Variants in MICAL2 observed in about 807,000 individuals in gnomAD.
MICAL2 encodes [F-actin]-monooxygenase MICAL2.
A neutral mutation model predicts 127.3 loss-of-function variants in MICAL2; 77 were observed. The observed-to-expected ratio is 0.60, with a 90% CI of 0.50 to 0.73. MICAL2 has a LOEUF of 0.73. Ranked by LOEUF, MICAL2 falls within the 30% of genes least tolerant of loss-of-function variation. The probability of loss-of-function intolerance (pLI) is 0.00; values close to 1 mark genes in which losing one functional copy is unlikely to be tolerated. For synonymous variants in MICAL2, 570 were observed against 551.1 expected (o/e 1.03, Z -0.48); for missense variants, 1,351 against 1,434.4 (o/e 0.94, Z 0.94).
At chr11:12,125,103 C>G (rs955919653) in intron 1 of MICAL2, among the ~76,000 whole-genome samples, 2 of 152,252 alleles carry the variant, frequency 1.3e-5, no homozygotes, top group Non-Finnish European at 2.9e-5. Context: ...CTCAGCCCCA[C>G]CCGCCAGAGC....
chr11:12,239,299 G>C lies in MICAL2; in HGVS notation c.2065-137G>C, dbSNP rs1257247765. On this transcript the variant is annotated intron_variant, in intron 16 of 27. Coordinates refer to ENST00000683283, the MANE Select transcript of MICAL2 (RefSeq NM_001282663.2). Reference sequence around the variant, plus strand: ...TTGCCTCTGCGGGGGTGGCCCTGCTGCCTCTGCCTCCCTTCCTCAGACCAT... The same window carrying C: ...TTGCCTCTGCGGGGGTGGCCCTGCTCCCTCTGCCTCCCTTCCTCAGACCAT... The C allele has an allele frequency of 9.2e-6, 11 of 1,191,484 alleles. No individual in the cohort carries two copies. In the Admixed American group the frequency reaches 1.9e-4, roughly 21 times the overall value. The allele number at this position is 1,191,484 out of a possible 1,614,324, so 73.8% of individuals were successfully genotyped here. A position where few individuals can be genotyped will look rare whatever the true frequency, so the allele number is the denominator to read the frequency against.
chr11:12,190,489 T>TGGTAAA (rs1299344185), intron 3 of MICAL2, among the ~76,000 whole-genome samples: 11 of 152,222 alleles, frequency 7.2e-5, no homozygotes, highest in African/African-American at 2.7e-4. Flanking sequence ...CTTATTTCAT[T>TGGTAAA]GGTAAAGGTA....
chr11:12,294,734 G>T, downstream of MICAL2: 1 of 1,613,856 alleles, frequency 6.2e-7, no homozygotes, highest in South Asian at 1.1e-5. Flanking sequence ...GCTGCCTGAA[G>T]ATAGTGCGCA....
At chr11:12,136,857 A>G (rs1312209095) in intron 1 of MICAL2, among the ~76,000 whole-genome samples, 2 of 152,132 alleles carry the variant, frequency 1.3e-5, no homozygotes, top group Non-Finnish European at 2.9e-5. Context: ...CCTAAGCTGA[A>G]CCTTAAAGAG....
chr11:12,188,780 ACTTTATAGGATC>A (rs1304492418), intron 3 of MICAL2, among the ~76,000 whole-genome samples: 1 of 152,110 alleles, frequency 6.6e-6, no homozygotes, highest in Non-Finnish European at 1.5e-5. Context: ...AATGATACCT[ACTTTATAGGATC>A]CTTGTTAGGA....
upstream of MICAL2, among the ~76,000 whole-genome samples, chr11:12,273,975 GCC>G (rs1423826033): frequency 6.6e-6 from 1 of 152,132 alleles, no homozygotes; most frequent in East Asian, 1.9e-4. Context: ...GAAGAGTGTA[GCC>G]AACCCTTCCA....
downstream of MICAL2, chr11:12,294,185 AC>A (rs770987317): frequency 1.2e-6 from 2 of 1,613,814 alleles, no homozygotes; most frequent in Non-Finnish European, 1.7e-6. Context: ...GAAGATGGGG[AC>A]CCCTGCGGAA....
intron 8 of MICAL2, among the ~76,000 whole-genome samples, chr11:12,219,342 A>T (rs1856546665): frequency 6.6e-6 from 1 of 152,102 alleles, no homozygotes; most frequent in African/African-American, 2.4e-5. Context: ...TCCAGGATGG[A>T]TATTCCAGTC....
intron 21 of MICAL2, among the ~76,000 whole-genome samples, chr11:12,245,902 C>A (rs1043121180): frequency 4.6e-5 from 7 of 152,232 alleles, no homozygotes; most frequent in Admixed American, 3.9e-4. Flanking sequence ...GGAGAAGGCA[C>A]CTAGGCACGG....
Position 12,226,196 on chromosome 11 carries a change from G to A in MICAL2, c.1714G>A (p.Asp572Asn), listed in dbSNP as rs756455254. 5.6e-6 allele frequency: 9 copies of A among 1,614,250 alleles called. No homozygotes were observed. The Admixed American group carries it at 6.7e-5, about 12-fold the overall frequency. The change falls in exon 14 of 28, where the codon GAT becomes AAT. Residue 572 changes from aspartate to asparagine, a missense_variant. Around this residue, in one of 2 missense-constraint regions of MICAL2, gnomAD observed 752 missense variants for 719.4 expected, o/e 1.05. Coordinates refer to ENST00000683283, the MANE Select transcript of MICAL2 (RefSeq NM_001282663.2). ...LINFDSLNED[D>N]AVENNQLAFD... is the part of the protein sequence containing the mutation. ...CAACTTTGACTCTTTGAATGAAGAT[G>A]ATGCTGTGGAGAACAACCAGCTCGC... is the stretch of plus-strand genomic sequence containing the variant.
chr11:12,231,948 C>T (rs570559121), intron 15 of MICAL2, among the ~76,000 whole-genome samples: 2 of 152,294 alleles, frequency 1.3e-5, no homozygotes, highest in South Asian at 4.1e-4. Context: ...CAGACAAACA[C>T]AGATTTACGT....
intron 3 of MICAL2, among the ~76,000 whole-genome samples, chr11:12,201,713 G>C (rs1224605796): frequency 6.6e-6 from 1 of 152,226 alleles, no homozygotes; most frequent in Non-Finnish European, 1.5e-5. Flanking sequence ...TCAGCATGCA[G>C]TGTCCATTGA....
At chr11:12,160,993 G>A (rs2133796534) in intron 2 of MICAL2, among the ~76,000 whole-genome samples, 1 of 152,308 alleles carries the variant, frequency 6.6e-6, no homozygotes, top group East Asian at 1.9e-4. Context: ...CTGCCGTGAG[G>A]CCTGCGCTCT....
chr11:12,213,066 C>T (rs1250775526), intron 6 of MICAL2, among the ~76,000 whole-genome samples, 189 bp from the exon 7 acceptor site: 1 of 144,386 alleles, frequency 6.9e-6, no homozygotes, highest in African/African-American at 2.5e-5. Flanking sequence ...TAGAAACGGA[C>T]AGTCTCACTG....
chr11:12,298,710 T>C (rs1205214854), intron 29 of MICAL2, among the ~76,000 whole-genome samples: 1 of 152,194 alleles, frequency 6.6e-6, no homozygotes, highest in Non-Finnish European at 1.5e-5. Context: ...CAGATGGATG[T>C]TGAATTTCAT....
rs774412839 is a variant in MICAL2, at chr11:12,242,379, G to A, written c.2503G>A (p.Ala835Thr). ...GCCTTCTACCCGCCCGAGGGCGCAG[G>A]CTCTTTCCGGGGTGCTGTGGCGGCT... is the stretch of plus-strand genomic sequence containing the variant. ...TLPSTRPRAQ[A>T]LSGVLWRLQQ... is the part of the protein sequence containing the mutation. Residue 835 changes from alanine (A) to threonine (T), a missense_variant, in exon 19 of 28, where the codon GCT (alanine) becomes ACT (threonine). Physicochemically the swap from Ala to Thr is moderately conservative, Grantham distance 58. Transcript: ENST00000683283. 1.9e-6 allele frequency: 3 copies of A among 1,613,760 alleles called. No homozygotes were observed. The highest frequency in any genetic ancestry group is 1.7e-6 in the Non-Finnish European group (2 of 1,179,760).
At chr11:12,145,326 C>T (rs927550680) in intron 2 of MICAL2, among the ~76,000 whole-genome samples, 7 of 152,122 alleles carry the variant, frequency 4.6e-5, no homozygotes, top group Non-Finnish European at 7.4e-5. Flanking sequence ...CGAAGTTACC[C>T]GATAAAGGCA....
In MICAL2 at chr11:12,209,473, C is replaced by T. The variant is rs199913953; in HGVS notation, c.590-24C>T. The T allele has an allele frequency of 9.2e-5, 144 of 1,569,462 alleles. No individual in the cohort carries two copies. The African/African-American group carries it at 1.9e-3, about 20-fold the overall frequency. On this transcript the variant is annotated intron_variant, in intron 5 of 27. Coordinates refer to ENST00000683283, the MANE Select transcript of MICAL2 (RefSeq NM_001282663.2). ...CTCTTCCCACCTCTCTCTGCCAACTCATCTCATTTCTCTGTCCTGGTAGAA... is the reference window on the plus strand; with the variant it reads ...CTCTTCCCACCTCTCTCTGCCAACTTATCTCATTTCTCTGTCCTGGTAGAA...
rs377043199 is a variant in MICAL2 at position 12,160,021 on chromosome 11, G to T, written c.-77-2058G>T. Among the ~76,000 whole-genome samples the T allele has an allele frequency of 2.5e-3, 385 of 152,332 alleles. 5 individuals carry two copies. The highest frequency in any genetic ancestry group is 5.7e-3 in the African/African-American group (235 of 41,580). Reference sequence around the variant, plus strand: ...AAGGCCTCATGGAGGACCCAGCCTGGGTAGGGCAGGGAAGCTGGCCAGGCC... The same window carrying T: ...AAGGCCTCATGGAGGACCCAGCCTGTGTAGGGCAGGGAAGCTGGCCAGGCC... On this transcript the variant is annotated intron_variant, in intron 2 of 27. Coordinates refer to ENST00000683283, the MANE Select transcript of MICAL2 (RefSeq NM_001282663.2).
Sources: gnomAD v4.1 joint callset for allele counts (sites outside exome capture counted in the v4.1 genomes callset) on GRCh38, gnomAD v4.1.1 for gene constraint, gnomAD v4.1.1 regional missense constraint, MANE v1.5 for transcripts, NCBI Gene and HGNC (gene_info 2026-07-23, HGNC 2026-07-21) for gene names.